Variants in FGR observed in about 807,000 individuals in gnomAD.
FGR encodes tyrosine-protein kinase Fgr.
A neutral mutation model predicts 63.2 loss-of-function variants in FGR; 26 were observed. That is an observed-to-expected ratio of 0.41 (90% CI 0.30 to 0.57). FGR has a LOEUF of 0.57. FGR is among the 20% of genes least tolerant of loss of function. FGR has a pLI of 0.27. For synonymous variants in FGR, 286 were observed against 277.7 expected, an observed-to-expected ratio of 1.03 and a Z score of -0.30; for missense variants, 511 against 690.8, an observed-to-expected ratio of 0.74 and a Z score of 2.92.
At chr1:27,618,237 A>C (rs1383099139) in intron 5 of FGR, among the ~76,000 whole-genome samples, 1 of 152,146 alleles carries the variant, frequency 6.6e-6, no homozygotes, top group African/African-American at 2.4e-5. Flanking sequence ...TAGACAGGAC[A>C]CATTGTCAAG....
At chr1:27,626,428 G>C (rs1262486002) in intron 1 of FGR, 4 of 378,928 alleles carry the variant, frequency 1.1e-5, no homozygotes, top group Non-Finnish European at 1.9e-5. Context: ...TCTTCTCTCT[G>C]GGTCCTATCC....
intron 4 of FGR, among the ~76,000 whole-genome samples, chr1:27,622,557 G>A (rs183817789): frequency 1.6e-4 from 25 of 151,800 alleles, no homozygotes; most frequent in Non-Finnish European, 2.5e-4. Context: ...CTAGGCTGGA[G>A]TGCAGTGGTG....
intron 1 of FGR, among the ~76,000 whole-genome samples, chr1:27,633,267 C>T (rs2090132035): frequency 6.6e-6 from 1 of 152,120 alleles, no homozygotes; most frequent in Admixed American, 6.6e-5. Flanking sequence ...TACTGTTGGC[C>T]CTGCAGGTTG....
At position 27,621,615 on chromosome 1, in the gene FGR, T is replaced by G. The variant is rs1429591241; in HGVS notation, c.372A>C (p.Lys124Asn). 6.2e-7 allele frequency: 1 copy of G among 1,613,860 alleles called. No individual in the cohort carries two copies. Among genetic ancestry groups the G allele is most frequent in the Non-Finnish European group, 8.5e-7 (1 of 1,179,936 alleles). Residue 124 changes from lysine (K) to asparagine (N), a missense_variant, in exon 5 of 13, where the codon AAA (lysine) becomes AAC (asparagine). By Grantham distance (94) the Lys-to-Asn change is moderately conservative. Coordinates refer to ENST00000374005, the MANE Select transcript of FGR (RefSeq NM_005248.3). ...CGTAGTTGCTGGGAATGCAGCCAGT[T>G]TTTCCGGAGCTGAGAGACCGAGCCT... ...WWEARSLSSG[K>N]TGCIPSNYVA...
Position 27,615,464 on chromosome 1 carries a change from T to G in FGR, c.988A>C (p.Ile330Leu). 1 of 1,608,278 alleles carries G rather than the reference T, an allele frequency of 6.2e-7. No homozygotes were observed. Among genetic ancestry groups the G allele is most frequent in the Non-Finnish European group, 8.5e-7 (1 of 1,175,086 alleles). The change falls in exon 9 of 13, where the codon ATC becomes CTC. Residue 330 changes from isoleucine to leucine, a missense_variant. Physicochemically the swap from Ile to Leu is conservative, Grantham distance 5. Coordinates refer to ENST00000374005, the MANE Select transcript of FGR (RefSeq NM_005248.3). The surrounding 1 kb of genome is among the most constrained non-coding windows in gnomAD (Gnocchi z 7.6). ...QLYAVVSEEP[I>L]YIVTEFMCHG... The stretch of plus-strand genomic sequence containing the variant: ...CACATGAACTCGGTCACGATGTAGA[T>G]GGGCTCCTCCGACACCACGGCGTAC...
rs2089717432 is a variant in FGR, at chr1:27,612,698, G to T, written c.*216C>A. On this transcript the variant is annotated 3_prime_UTR_variant, in exon 13 of 13. Coordinates refer to ENST00000374005, the MANE Select transcript of FGR (RefSeq NM_005248.3). Reference sequence around the variant, plus strand: ...CCTAAGTGGAAAAGGAAGAAATAGTGCTTGGGGCCAGAGCGGATGAGAGAT... The same window carrying T: ...CCTAAGTGGAAAAGGAAGAAATAGTTCTTGGGGCCAGAGCGGATGAGAGAT... The T allele has an allele frequency of 1.8e-6, 1 of 559,826 alleles. No homozygotes were observed. Among genetic ancestry groups the T allele is most frequent in the Non-Finnish European group, 3.2e-6 (1 of 312,504 alleles). 34.7% of individuals were successfully genotyped at this position (559,826 alleles called of 1,614,324 possible). A position where few individuals can be genotyped will look rare whatever the true frequency, so the allele number is the denominator to read the frequency against.
chr1:27,625,685 A>G (rs895388934), intron 1 of FGR, among the ~76,000 whole-genome samples: 1 of 152,222 alleles, frequency 6.6e-6, no homozygotes, highest in South Asian at 2.1e-4. Flanking sequence ...TCACGCCTAT[A>G]ATCCCAGCAC....
At chr1:27,622,842 TCTC>T (rs1265916640) in intron 4 of FGR, among the ~76,000 whole-genome samples, 197 bp downstream of exon 4, 1 of 152,208 alleles carries the variant, frequency 6.6e-6, no homozygotes, top group Non-Finnish European at 1.5e-5. Flanking sequence ...TTAAAAATCA[TCTC>T]CTCCAGGCCG....
chr1:27,613,099 C>G lies in FGR; in HGVS notation c.1405G>C (p.Glu469Gln). Residue 469 changes from glutamate (E) to glutamine (Q), a missense_variant, in exon 13 of 13, where the codon GAA (glutamate) becomes CAA (glutamine). Physicochemically the swap from Glu to Gln is conservative, Grantham distance 29. Coordinates refer to ENST00000374005, the MANE Select transcript of FGR (RefSeq NM_005248.3). ...ATGTGGTAGCCCTGCTCCACCTGTT[C>G]CAACACTTCCCGTTTATTCATGCCT... ...YPGMNKREVL[E>Q]QVEQGYHMPC... The G allele has an allele frequency of 6.2e-7, 1 of 1,614,176 alleles. No individual in the cohort carries two copies. The highest frequency in any genetic ancestry group is 1.6e-4 in the Middle Eastern group (1 of 6,062).
At position 27,612,788 on chromosome 1, in the gene FGR, A is replaced by C. The variant is rs1020944147; in HGVS notation, c.*126T>G. 1.2e-6 allele frequency: 1 copy of C among 857,104 alleles called. No individual in the cohort carries two copies. Among genetic ancestry groups the C allele is most frequent in the Non-Finnish European group, 1.8e-6 (1 of 556,428 alleles). 53.1% of individuals were successfully genotyped at this position (857,104 alleles called of 1,614,324 possible). On this transcript the variant is annotated 3_prime_UTR_variant, in exon 13 of 13. Transcript: ENST00000374005. ...AGGTTGCCCTAGGTGGTGTCAGAGC[A>C]GCCACGTCCTCGGTGATGCTAGGAC...
In FGR at chr1:27,617,081, C is replaced by G; in HGVS notation, c.533-75G>C. 3 of 1,605,158 alleles carry G rather than the reference C, an allele frequency of 1.9e-6. No homozygotes were observed. The highest frequency in any genetic ancestry group is 2.6e-6 in the Non-Finnish European group (3 of 1,173,600). The stretch of plus-strand genomic sequence containing the variant: ...GGAGCTGGGAGAGGCCCGACAGCAG[C>G]ATCCCTAGGACCTGGTCCCAGTCTT... On this transcript the variant is annotated intron_variant, in intron 6 of 12. Coordinates refer to ENST00000374005, the MANE Select transcript of FGR (RefSeq NM_005248.3). This position sits in a 1 kb window ranked among gnomAD's most constrained non-coding sequence, Gnocchi z 4.5.
At position 27,615,913 on chromosome 1, in the gene FGR, C is replaced by T; in HGVS notation, c.683-69G>A. 6.9e-7 allele frequency: 1 copy of T among 1,454,528 alleles called. No homozygotes were observed. Among genetic ancestry groups the T allele is most frequent in the Non-Finnish European group, 9.2e-7 (1 of 1,086,494 alleles). 90.1% of individuals were successfully genotyped at this position (1,454,528 alleles called of 1,614,324 possible). ...ACCCCCCTCCACTCCTTATCCTATC[C>T]CAGCCTGGTGCCAGACCCTAAGATC... On this transcript the variant is annotated intron_variant, in intron 7 of 12. Transcript: ENST00000374005. This position sits in a 1 kb window ranked among gnomAD's most constrained non-coding sequence, Gnocchi z 7.6.
At chr1:27,633,463 G>T (rs2090134938) in intron 1 of FGR, among the ~76,000 whole-genome samples, 1 of 152,230 alleles carries the variant, frequency 6.6e-6, no homozygotes, top group African/African-American at 2.4e-5. Flanking sequence ...GACCTCCCCA[G>T]TATGGGCTCT....
rs75198513 is a variant in FGR, at chr1:27,618,535, G to T, written c.429-1239C>A. Among the ~76,000 whole-genome samples, 91 of 152,198 alleles carry T rather than the reference G, an allele frequency of 6.0e-4. 1 individual carries two copies. The East Asian group carries it at 0.017, about 28-fold the overall frequency. Reference sequence around the variant, plus strand: ...CACTGAGCACCTCTCAGTGCTTGGTGACACTGGCTCCAAGATGTGGACACA... The same window carrying T: ...CACTGAGCACCTCTCAGTGCTTGGTTACACTGGCTCCAAGATGTGGACACA... On this transcript the variant is annotated intron_variant, in intron 5 of 12. Transcript: ENST00000374005.
rs2231877 is a variant in FGR at position 27,616,885 on chromosome 1, C to T, written c.654G>A (p.Ser218=). Reference sequence around the variant, plus strand: ...TGTAGTGCTGCACCAGCTCCTGCACCGAGTTGAACTGAACCCGTGTGGTGA... The same window carrying T: ...TGTAGTGCTGCACCAGCTCCTGCACTGAGTTGAACTGAACCCGTGTGGTGA... ...YYITTRVQFN[S]VQELVQHYME... is the part of the protein sequence containing the mutation. The change falls in exon 7 of 13, where the codon TCG becomes TCA. Residue 218 remains serine, a synonymous_variant. Coordinates refer to ENST00000374005, the MANE Select transcript of FGR (RefSeq NM_005248.3). The surrounding 1 kb of genome is among the most constrained non-coding windows in gnomAD (Gnocchi z 4.3). The T allele has an allele frequency of 4.2e-4, 671 of 1,614,158 alleles. 3 individuals are homozygous for T. The African/African-American group carries it at 6.9e-3, about 17-fold the overall frequency.
intron 1 of FGR, among the ~76,000 whole-genome samples, chr1:27,632,587 A>ATGTGGTC (rs1480026322): frequency 6.6e-6 from 1 of 152,060 alleles, no homozygotes; most frequent in Non-Finnish European, 1.5e-5. Flanking sequence ...TTTACCCTCC[A>ATGTGGTC]TGTGGTCCCG....
At chr1:27,623,999 C>T in intron 2 of FGR, 70 bp from the exon 3 acceptor site, 1 of 1,305,946 alleles carries the variant, frequency 7.7e-7, no homozygotes, top group Non-Finnish European at 1.1e-6. Context: ...CACGCGCATG[C>T]ACATGCTCAT....
intron 1 of FGR, among the ~76,000 whole-genome samples, chr1:27,625,894 G>A (rs543263667): frequency 6.6e-6 from 1 of 152,254 alleles, no homozygotes; most frequent in South Asian, 2.1e-4. Flanking sequence ...AGCCGAGATC[G>A]CACCACTGCA....
intron 1 of FGR, among the ~76,000 whole-genome samples, chr1:27,629,299 G>C (rs1412720639): frequency 6.6e-6 from 1 of 152,134 alleles, no homozygotes; most frequent in African/African-American, 2.4e-5. Context: ...CTGATTTAAA[G>C]CTACCAAAGT....
Sources: allele counts gnomAD v4.1 joint callset (sites outside exome capture counted in the v4.1 genomes callset), GRCh38; gene constraint gnomAD v4.1.1; non-coding constraint Gnocchi (gnomAD v3.1); transcripts MANE v1.5; gene names NCBI Gene and HGNC (gene_info 2026-07-23, HGNC 2026-07-21).